The following CPAMD8 variants were observed in gnomAD, a reference collection of about 807,000 sequenced individuals.
CPAMD8 encodes C3 and PZP like alpha-2-macroglobulin domain containing 8.
CPAMD8 carries 146 observed loss-of-function variants against 224.7 expected under a neutral mutation model. The observed-to-expected ratio is 0.65, with a 90% CI of 0.57 to 0.75. CPAMD8 has a LOEUF of 0.75. Ranked by LOEUF, CPAMD8 falls within the 30% of genes least tolerant of loss-of-function variation. The probability of loss-of-function intolerance (pLI) is 0.00; values close to 1 mark genes in which losing one functional copy is unlikely to be tolerated. For synonymous variants in CPAMD8, 966 were observed against 1,044.6 expected (o/e 0.92, Z 1.45); for missense variants, 2,301 against 2,537.5 (o/e 0.91, Z 2.00).
At chr19:16,957,228 GA>G (rs1488767460) in intron 19 of CPAMD8, among the ~76,000 whole-genome samples, 1 of 152,184 alleles carries the variant, frequency 6.6e-6, no homozygotes, top group Non-Finnish European at 1.5e-5. Context: ...CTTGTGCCTG[GA>G]GGAAGGGCAC....
rs1251348357 is a variant in CPAMD8 at position 16,976,117 on chromosome 19, G to C, written c.1793C>G (p.Pro598Arg). The change falls in exon 16 of 42, where the codon CCT becomes CGT. Residue 598 changes from proline to arginine, a missense_variant. Around this residue, in one of 4 missense-constraint regions of CPAMD8, gnomAD observed 1,709 missense variants for 1,753.2 expected, o/e 0.97. Coordinates refer to ENST00000443236, the MANE Select transcript of CPAMD8 (RefSeq NM_015692.5). ...GATCCGCAGGTCGACAACCTCCCCA[G>C]GTTGGGTCTCATTTGCTGAATACGT... ...SVTYSANETQ[P>R]GEVVDLRIRA... The C allele has an allele frequency of 5.6e-6, 9 of 1,612,518 alleles. No homozygotes were observed. The highest frequency in any genetic ancestry group is 7.6e-6 in the Non-Finnish European group (9 of 1,179,176).
At chr19:16,987,179 A>ATATAT (rs1169938247) in intron 13 of CPAMD8, among the ~76,000 whole-genome samples, 3 of 53,920 alleles carry the variant, frequency 5.6e-5, no homozygotes, top group East Asian at 5.2e-4. Flanking sequence ...AAAAAAAAAA[A>ATATAT]ATATATATAT....
At chr19:16,981,221 C>A (rs1051757189) in intron 13 of CPAMD8, among the ~76,000 whole-genome samples, 1 of 151,932 alleles carries the variant, frequency 6.6e-6, no homozygotes, top group Non-Finnish European at 1.5e-5. Context: ...ATTGGCCAGG[C>A]GTGGTGGCAC....
At position 17,011,524 on chromosome 19, in the gene CPAMD8, A is replaced by G; in HGVS notation, c.434-8T>C. ...TGAAGATGCTTATGAGCACTAGAAGAAAGAAGAGAGGCGTGTGACACCTCC... is the reference window on the plus strand; with the variant it reads ...TGAAGATGCTTATGAGCACTAGAAGGAAGAAGAGAGGCGTGTGACACCTCC... On this transcript the variant is annotated splice_region_variant and splice_polypyrimidine_tract_variant and intron_variant, in intron 4 of 41. Coordinates refer to ENST00000443236, the MANE Select transcript of CPAMD8 (RefSeq NM_015692.5). 1.2e-6 allele frequency: 2 copies of G among 1,614,166 alleles called. No homozygotes were observed. Among genetic ancestry groups the G allele is most frequent in the Non-Finnish European group, 1.7e-6 (2 of 1,180,032 alleles).
rs750931832 is a variant in CPAMD8, at chr19:16,903,578, C to T, written c.4453G>A (p.Gly1485Ser). 15 of 1,613,982 alleles carry T rather than the reference C, an allele frequency of 9.3e-6. No homozygotes were observed. Among genetic ancestry groups the T allele is most frequent in the East Asian group, 2.2e-5 (1 of 44,882 alleles). ...TGLFVSAKGD[G>S]CCLMQIDVTY... ...AACCTCACCTGCATCAGGCAGCAGC[C>T]GTCCCCCTTGGCACTCACAAACAGC... Residue 1485 changes from glycine to serine, a missense_variant, in exon 34 of 42, where the codon GGC becomes AGC. Around this residue, in one of 4 missense-constraint regions of CPAMD8, gnomAD observed 1,709 missense variants for 1,753.2 expected, o/e 0.97. Transcript: ENST00000443236.
chr19:16,997,290 C>T lies in CPAMD8; in HGVS notation c.916G>A (p.Ala306Thr), dbSNP rs762486559. 1.3e-5 allele frequency: 21 copies of T among 1,586,454 alleles called. No individual in the cohort carries two copies. Among genetic ancestry groups the T allele is most frequent in the Non-Finnish European group, 1.8e-5 (21 of 1,161,392 alleles). Residue 306 changes from alanine to threonine, a missense_variant, in exon 11 of 42, where the codon GCG (alanine) becomes ACG (threonine). Ala to Thr is a moderately conservative substitution (Grantham distance 58). Coordinates refer to ENST00000443236, the MANE Select transcript of CPAMD8 (RefSeq NM_015692.5). ...CCCCGGAAGTGCTCAGGGACGTCCG[C>T]TGGGATCATGTCCCTCACGCAGATG... Reference protein sequence around the residue: ...FDICVRDMIPADVPEHFRGRV... With the variant: ...FDICVRDMIPTDVPEHFRGRV...
In CPAMD8 at chr19:16,970,893, G is replaced by T. The variant is rs750555428; in HGVS notation, c.2211C>A (p.Pro737=). The change falls in exon 18 of 42, where the codon CCC becomes CCA. Residue 737 remains proline (P), a splice_region_variant and synonymous_variant. Transcript: ENST00000443236. ...LVAVAPSRHP[P]RTEKRKRTFF... is the part of the protein sequence containing the mutation. ...TTGCTCAATGTATAAGCCGTTACCT[G>T]GGGGGGTGCCTGGAAGGAGCCACTG... 1.2e-6 allele frequency: 2 copies of T among 1,608,222 alleles called. No individual in the cohort carries two copies. The highest frequency in any genetic ancestry group is 1.1e-5 in the South Asian group (1 of 90,666).
chr19:16,969,465 C>T (rs2054972039), intron 18 of CPAMD8, among the ~76,000 whole-genome samples: 1 of 152,132 alleles, frequency 6.6e-6, no homozygotes, highest in African/African-American at 2.4e-5. Context: ...ATGTTTGCAT[C>T]CCCCTGAAAA....
In CPAMD8 at chr19:16,897,904, C is replaced by T. The variant is rs950337034; in HGVS notation, c.4939G>A (p.Asp1647Asn). ...GCGGGCCTACCGGGTTCGTAGTAGT[C>T]GTACACGGAGACTGGCAGCGCCGAC... ...RTSALPVSVY[D>N]YYEPAFEATR... Residue 1647 changes from aspartate to asparagine, a missense_variant, in exon 38 of 42, where the codon GAC (aspartate) becomes AAC (asparagine). By Grantham distance (23) the Asp-to-Asn change is conservative. This residue lies in a region of CPAMD8 where 1,709 missense variants were observed against 1,753.2 expected (regional missense o/e 0.97). Coordinates refer to ENST00000443236, the MANE Select transcript of CPAMD8 (RefSeq NM_015692.5). The T allele has an allele frequency of 6.2e-7, 1 of 1,610,420 alleles. No homozygotes were observed. The highest frequency in any genetic ancestry group is 1.7e-5 in the Admixed American group (1 of 59,766).
chr19:16,961,112 T>C (rs1599788998), intron 18 of CPAMD8, among the ~76,000 whole-genome samples: 1 of 152,152 alleles, frequency 6.6e-6, no homozygotes, highest in East Asian at 1.9e-4. Context: ...GGAAGATGGG[T>C]GATTTCTGCA....
chr19:16,993,776 A>C (rs1352668560), intron 11 of CPAMD8, among the ~76,000 whole-genome samples, 190 bp from the exon 12 acceptor site: 4 of 152,168 alleles, frequency 2.6e-5, no homozygotes, highest in African/African-American at 9.7e-5. Context: ...GGGAACAAAA[A>C]AGAAGGACTC....
In CPAMD8 at chr19:17,026,542, G is replaced by T. The variant is rs1305101705; in HGVS notation, c.92+9C>A. On this transcript the variant is annotated intron_variant, in intron 1 of 41. Coordinates refer to ENST00000443236, the MANE Select transcript of CPAMD8 (RefSeq NM_015692.5). ...CGACCGACCTCCTCTGTCGCCGGAGGATACTCACGGGGCCTGAGGCTGCGC... is the reference window on the plus strand; with the variant it reads ...CGACCGACCTCCTCTGTCGCCGGAGTATACTCACGGGGCCTGAGGCTGCGC... 5 of 1,503,416 alleles carry T rather than the reference G, an allele frequency of 3.3e-6. No homozygotes were observed. Among genetic ancestry groups the T allele is most frequent in the Admixed American group, 2.2e-5 (1 of 44,826 alleles). 93.1% of individuals were successfully genotyped at this position (1,503,416 alleles called of 1,614,324 possible). A position where few individuals can be genotyped will look rare whatever the true frequency, so the allele number is the denominator to read the frequency against.
intron 27 of CPAMD8, 73 bp from the exon 28 acceptor site, chr19:16,914,886 G>C: frequency 8.8e-7 from 1 of 1,142,648 alleles, no homozygotes; most frequent in East Asian, 2.5e-5. Context: ...AGGGATTGCA[G>C]CAAGCTCCTG....
In CPAMD8 at chr19:16,978,126, T is replaced by A. The variant is rs563639293; in HGVS notation, c.1586-586A>T. On this transcript the variant is annotated intron_variant, in intron 14 of 41. Coordinates refer to ENST00000443236, the MANE Select transcript of CPAMD8 (RefSeq NM_015692.5). The stretch of plus-strand genomic sequence containing the variant: ...AGGCTCCCAGTTCCAGAATGGGCCA[T>A]CTGTCAGCTGGTTCTGTGCAGAGCT... 5.8e-4 allele frequency among the ~76,000 whole-genome samples: 89 copies of A among 152,268 alleles called. 1 individual carries two copies. Among genetic ancestry groups the A allele is most frequent in the African/African-American group, 2.1e-3 (86 of 41,546 alleles).
chr19:16,898,188 A>G lies in CPAMD8; in HGVS notation c.4849-194T>C. Reference sequence around the variant, plus strand: ...GAGACAGAGTCTCGCGCTGTTGCCCAGGCTGGAGTGCAGTGGCGTGATCTC... The same window carrying G: ...GAGACAGAGTCTCGCGCTGTTGCCCGGGCTGGAGTGCAGTGGCGTGATCTC... On this transcript the variant is annotated intron_variant, in intron 37 of 41. Transcript: ENST00000443236. The surrounding 1 kb of genome is among the most constrained non-coding windows in gnomAD (Gnocchi z 4.2). 1 of 542,266 alleles carries G rather than the reference A, an allele frequency of 1.8e-6. No homozygotes were observed. The highest frequency in any genetic ancestry group is 3.2e-6 in the Non-Finnish European group (1 of 312,626). The allele number at this position is 542,266 out of a possible 1,614,324, so 33.6% of individuals were successfully genotyped here.
At chr19:16,930,583 T>C (rs2053517397) in intron 23 of CPAMD8, among the ~76,000 whole-genome samples, 1 of 151,520 alleles carries the variant, frequency 6.6e-6, no homozygotes, top group South Asian at 2.1e-4. Flanking sequence ...GGGCCGGGAG[T>C]AGCTCCCCAG....
intron 23 of CPAMD8, among the ~76,000 whole-genome samples, chr19:16,937,960 G>A (rs2053753320): frequency 6.6e-6 from 1 of 152,002 alleles, no homozygotes; most frequent in Non-Finnish European, 1.5e-5. Context: ...GGCCAACTTT[G>A]TACTTTTAGT....
At chr19:16,914,890 G>T in intron 27 of CPAMD8, 77 bp from the exon 28 acceptor site, 1 of 1,087,970 alleles carries the variant, frequency 9.2e-7, no homozygotes, top group Non-Finnish European at 1.3e-6. Context: ...ATTGCAGCAA[G>T]CTCCTGGCAC....
intron 13 of CPAMD8, among the ~76,000 whole-genome samples, chr19:16,982,323 G>A (rs2055543507): frequency 6.6e-6 from 1 of 151,852 alleles, no homozygotes; most frequent in African/African-American, 2.4e-5. Flanking sequence ...AGCCAGGGAG[G>A]TCGATGTGCG....
Sources: allele counts gnomAD v4.1 joint callset (sites outside exome capture counted in the v4.1 genomes callset), GRCh38; gene constraint gnomAD v4.1.1; regional missense constraint gnomAD v4.1.1; non-coding constraint Gnocchi (gnomAD v3.1); transcripts MANE v1.5; gene names NCBI Gene and HGNC (gene_info 2026-07-23, HGNC 2026-07-21).